Variants in NF1 observed in about 807,000 individuals in gnomAD.
NF1 encodes the protein neurofibromin.
In NF1, 122 loss-of-function variants were observed where a neutral mutation model predicts 325.7. The observed-to-expected ratio is 0.37, with a 90% CI of 0.32 to 0.44. The LOEUF is 0.44. NF1 is among the 20% of genes least tolerant of loss of function. The pLI, the probability that NF1 is intolerant of heterozygous loss-of-function variation, is 1.00. For synonymous variants in NF1, 1,091 were observed against 1,186.0 expected, an observed-to-expected ratio of 0.92 and a Z score of 1.65; for missense variants, 2,140 against 3,415.4, an observed-to-expected ratio of 0.63 and a Z score of 9.31.
At chr17:31,238,516 C>T (rs1415748493) in intron 29 of NF1, among the ~76,000 whole-genome samples, 4 of 151,996 alleles carry the variant, frequency 2.6e-5, no homozygotes, top group South Asian at 2.1e-4. Flanking sequence ...GGGCAGATCA[C>T]GAAGTCAGGA....
chr17:31,218,408 A>C (rs1051615320), intron 13 of NF1, among the ~76,000 whole-genome samples: 28 of 152,168 alleles, frequency 1.8e-4, no homozygotes, highest in African/African-American at 6.8e-4. Context: ...TTGATTTAAT[A>C]AAATTTTTAT....
chr17:31,333,951 A>G (rs1305513509), intron 39 of NF1, among the ~76,000 whole-genome samples: 1 of 152,214 alleles, frequency 6.6e-6, no homozygotes. Context: ...TTTTTCAAGT[A>G]AGTTTAAAAG....
At chr17:31,318,805 T>C in intron 36 of NF1, 1 of 1,614,036 alleles carries the variant, frequency 6.2e-7, no homozygotes, top group Non-Finnish European at 8.5e-7. Context: ...ATTACCTTTA[T>C]AATCTACTTC....
At chr17:31,303,131 C>G (rs1348852766) in intron 36 of NF1, among the ~76,000 whole-genome samples, 1 of 152,182 alleles carries the variant, frequency 6.6e-6, no homozygotes, top group Non-Finnish European at 1.5e-5. Context: ...ATGTTCTACT[C>G]TGAAAATCCC....
intron 12 of NF1, among the ~76,000 whole-genome samples, chr17:31,210,496 A>T (rs1008778881): frequency 8.0e-4 from 121 of 152,176 alleles, no homozygotes; most frequent in African/African-American, 2.7e-3. Flanking sequence ...GAGGCAGGAG[A>T]ATTGCTTGAA....
intron 38 of NF1, among the ~76,000 whole-genome samples, chr17:31,328,930 G>A (rs1041443072): frequency 6.6e-6 from 1 of 152,194 alleles, no homozygotes; most frequent in Non-Finnish European, 1.5e-5. Context: ...GGTTGAGGAA[G>A]TCCAATTCTT....
chr17:31,113,343 T>C (rs1913592431), intron 1 of NF1, among the ~76,000 whole-genome samples: 2 of 152,006 alleles, frequency 1.3e-5, no homozygotes, highest in Non-Finnish European at 2.9e-5. Flanking sequence ...ACTTCAGCCT[T>C]GAACTCCTGA....
chr17:31,190,578 A>G (rs752942264), intron 8 of NF1, among the ~76,000 whole-genome samples: 1 of 152,212 alleles, frequency 6.6e-6, no homozygotes, highest in Non-Finnish European at 1.5e-5. Context: ...TTACTCAGCC[A>G]TTTCACTGAA....
chr17:31,312,890 C>T (rs183334263), intron 36 of NF1, among the ~76,000 whole-genome samples: 1 of 152,182 alleles, frequency 6.6e-6, no homozygotes, highest in African/African-American at 2.4e-5. Context: ...TTACCCACAG[C>T]AAGCATCTTT....
At chr17:31,342,123 A>G (rs2069840079) in intron 47 of NF1, among the ~76,000 whole-genome samples, 1 of 152,192 alleles carries the variant, frequency 6.6e-6, no homozygotes, top group Non-Finnish European at 1.5e-5. Context: ...GGAGTTTATT[A>G]ATCAGACCTC....
At chr17:31,340,993 G>A (rs1234089973) in intron 47 of NF1, among the ~76,000 whole-genome samples, 2 of 152,148 alleles carry the variant, frequency 1.3e-5, no homozygotes, top group East Asian at 3.9e-4. Flanking sequence ...CAGGCCGTAT[G>A]CTAAACACTA....
chr17:31,279,695 A>T (rs544167778), intron 36 of NF1, among the ~76,000 whole-genome samples: 1 of 149,682 alleles, frequency 6.7e-6, no homozygotes, highest in East Asian at 1.9e-4. Flanking sequence ...TACCTTCTAG[A>T]ATTGTATATA....
intron 57 of NF1, chr17:31,361,688 A>G (rs1182671364): frequency 6.6e-6 from 1 of 152,212 alleles, no homozygotes. Flanking sequence ...AAAAAAATCC[A>G]ATGACATAAC....
chr17:31,199,134 G>C (rs2066483387), intron 8 of NF1, among the ~76,000 whole-genome samples: 2 of 151,892 alleles, frequency 1.3e-5, no homozygotes, highest in Admixed American at 6.6e-5. Flanking sequence ...CTTTGGTGTA[G>C]TTTACTCTTT....
intron 1 of NF1, among the ~76,000 whole-genome samples, chr17:31,096,054 C>CT (rs374680806): frequency 0.015 from 2,152 of 147,594 alleles, 51 homozygotes; most frequent in African/African-American, 0.049. Flanking sequence ...CACAGACTGC[C>CT]TTTTTTTTTT....
chr17:31,326,067 C>A lies in NF1; in HGVS notation c.5083C>A (p.Arg1695=), dbSNP rs1567611500. The A allele has an allele frequency of 6.2e-7, 1 of 1,614,034 alleles. No individual in the cohort carries two copies. Among genetic ancestry groups the A allele is most frequent in the Non-Finnish European group, 8.5e-7 (1 of 1,179,944 alleles). Residue 1695 remains arginine, a synonymous_variant, in exon 37 of 58, where the codon CGG becomes AGG. Transcript: ENST00000358273. ...WVREYTKYHE[R]LLTGLKGSKR... is the part of the protein sequence containing the mutation. The stretch of plus-strand genomic sequence containing the variant: ...CAGGGAGTACACCAAGTATCATGAG[C>A]GGCTGCTGACTGGCCTCAAAGGTAG...
intron 36 of NF1, among the ~76,000 whole-genome samples, chr17:31,276,425 G>A (rs1366837789): frequency 6.6e-6 from 1 of 152,060 alleles, no homozygotes; most frequent in Non-Finnish European, 1.5e-5. Flanking sequence ...GTTTTGAGAA[G>A]ATTTCTTCAT....
chr17:31,356,616 A>G, intron 52 of NF1, 34 bp downstream of exon 52: 1 of 1,612,454 alleles, frequency 6.2e-7, no homozygotes, highest in East Asian at 2.2e-5. Flanking sequence ...GATCATTGAA[A>G]ATAAGGTGGG....
chr17:31,186,124 T>A lies in NF1; in HGVS notation c.888+3459T>A, dbSNP rs141863610. 2.7e-4 allele frequency among the ~76,000 whole-genome samples: 41 copies of A among 152,142 alleles called. No individual in the cohort carries two copies. The East Asian group carries it at 7.7e-3, about 29-fold the overall frequency. Reference sequence around the variant, plus strand: ...GCAGCATTCCATCATCAAGTGGAAGTGGTACATACACGATCGGGCTCAAGC... The same window carrying A: ...GCAGCATTCCATCATCAAGTGGAAGAGGTACATACACGATCGGGCTCAAGC... On this transcript the variant is annotated intron_variant, in intron 8 of 57. Coordinates refer to ENST00000358273, the MANE Select transcript of NF1 (RefSeq NM_001042492.3).
Sources: allele counts gnomAD v4.1 joint callset (sites outside exome capture counted in the v4.1 genomes callset), GRCh38; gene constraint gnomAD v4.1.1; transcripts MANE v1.5; gene names NCBI Gene and HGNC (gene_info 2026-07-23, HGNC 2026-07-21).